The following POLR2K variants were observed in gnomAD, a reference collection of about 807,000 sequenced individuals.
The protein encoded by POLR2K is DNA-directed RNA polymerases I, II, and III subunit RPABC4.
POLR2K carries 9 observed loss-of-function variants against 10.1 expected under a neutral mutation model. That is an observed-to-expected ratio of 0.89 (90% CI 0.54 to 1.56). POLR2K has a LOEUF of 1.56. Among genes scored for constraint, POLR2K ranks in the 40% most tolerant of loss-of-function variants. The pLI is 0.00. For synonymous variants in POLR2K, 19 were observed against 20.3 expected, an observed-to-expected ratio of 0.94 and a Z score of 0.17; for missense variants, 53 against 71.9, an observed-to-expected ratio of 0.74 and a Z score of 0.95.
In POLR2K at chr8:100,153,628, C is replaced by G. The variant is rs933125289; in HGVS notation, c.*312C>G. On this transcript the variant is annotated 3_prime_UTR_variant, in exon 4 of 4. Transcript: ENST00000353107. ...ATGTGAATGTGGTTGGTCTCTCTTG[C>G]TTTCAAAATATCTTCTTGTACAGTA... 8.2e-6 allele frequency: 2 copies of G among 245,166 alleles called. No individual in the cohort carries two copies. Among genetic ancestry groups the G allele is most frequent in the African/African-American group, 2.3e-5 (1 of 44,230 alleles). The allele number at this position is 245,166 out of a possible 1,614,324, so 15.2% of individuals were successfully genotyped here.
At chr8:100,153,267 T>C (rs759236496) in intron 3 of POLR2K, 27 bp from the exon 4 acceptor site, 1 of 1,583,058 alleles carries the variant, frequency 6.3e-7, no homozygotes, top group African/African-American at 1.3e-5. Context: ...TAAGTACCGT[T>C]TTTGTCCTTA....
At chr8:100,152,796 C>T (rs974739435) in intron 3 of POLR2K, among the ~76,000 whole-genome samples, 1 of 151,646 alleles carries the variant, frequency 6.6e-6, no homozygotes, top group Non-Finnish European at 1.5e-5. Context: ...GACGGAGTCT[C>T]GCTCTGTCAC....
Position 100,153,829 on chromosome 8 carries a change from C to G in POLR2K, c.*513C>G, listed in dbSNP as rs1191411822. The G allele has an allele frequency of 6.6e-6, 1 of 152,060 alleles. No individual in the cohort carries two copies. The highest frequency in any genetic ancestry group is 1.5e-5 in the Non-Finnish European group (1 of 68,010). The allele number at this position is 152,060 out of a possible 1,614,324, so 9.4% of individuals were successfully genotyped here. ...ATTTTGTATAAAGCAATTTTTTGTT[C>G]CATTACGTGACTTTTTGTTTTATTG... On this transcript the variant is annotated 3_prime_UTR_variant, in exon 4 of 4. Coordinates refer to ENST00000353107, the MANE Select transcript of POLR2K (RefSeq NM_005034.4).
rs1814952320 is a variant in POLR2K at position 100,153,909 on chromosome 8, T to C, written c.*593T>C. 1.3e-5 allele frequency: 2 copies of C among 152,236 alleles called. No individual in the cohort carries two copies. Among genetic ancestry groups the C allele is most frequent in the African/African-American group, 4.8e-5 (2 of 41,464 alleles). 9.4% of individuals were successfully genotyped at this position (152,236 alleles called of 1,614,324 possible). On this transcript the variant is annotated 3_prime_UTR_variant, in exon 4 of 4. Transcript: ENST00000353107. ...AAAGTTGCTTCCCCAAACCACACTTTTAATCAAAACCTAGAATCATCTGCA... is the reference window on the plus strand; with the variant it reads ...AAAGTTGCTTCCCCAAACCACACTTCTAATCAAAACCTAGAATCATCTGCA...
At chr8:100,151,239 G>T in intron 1 of POLR2K, 108 bp from the exon 2 acceptor site, 1 of 790,692 alleles carries the variant, frequency 1.3e-6, no homozygotes, top group South Asian at 1.4e-5. Flanking sequence ...TTGGGGAAAG[G>T]AACAGATTAG....
Position 100,153,435 on chromosome 8 carries a change from C to A in POLR2K, c.*119C>A, listed in dbSNP as rs996197944. The A allele has an allele frequency of 2.4e-6, 2 of 820,268 alleles. No individual in the cohort carries two copies. Among genetic ancestry groups the A allele is most frequent in the African/African-American group, 1.7e-5 (1 of 58,178 alleles). 50.8% of individuals were successfully genotyped at this position (820,268 alleles called of 1,614,324 possible). A position where few individuals can be genotyped will look rare whatever the true frequency, so the allele number is the denominator to read the frequency against. The stretch of plus-strand genomic sequence containing the variant: ...AGTTCCCCCTTATCTTCGGGAGATA[C>A]ATTCCAAGGCCCCCAGTGAACTCCT... On this transcript the variant is annotated 3_prime_UTR_variant, in exon 4 of 4. Transcript: ENST00000353107.
chr8:100,152,420 G>A (rs1033434626), intron 3 of POLR2K, among the ~76,000 whole-genome samples: 2 of 152,172 alleles, frequency 1.3e-5, no homozygotes, highest in East Asian at 1.9e-4. Context: ...TGACCAAAAC[G>A]TCATTATGGG....
rs140144605 is a variant in POLR2K, at chr8:100,151,774, T to G, written c.62-50T>G. On this transcript the variant is annotated intron_variant, in intron 2 of 3. Coordinates refer to ENST00000353107, the MANE Select transcript of POLR2K (RefSeq NM_005034.4). Reference sequence around the variant, plus strand: ...AATAATACATTTAAGATAATTTGTCTGTAATATTTTCCTCTTAGGCATTGA... The same window carrying G: ...AATAATACATTTAAGATAATTTGTCGGTAATATTTTCCTCTTAGGCATTGA... 1.8e-3 allele frequency: 1,501 copies of G among 819,164 alleles called. 16 individuals are homozygous for G. The African/African-American group carries it at 0.023, about 13-fold the overall frequency. 50.7% of individuals were successfully genotyped at this position (819,164 alleles called of 1,614,324 possible). A position where few individuals can be genotyped will look rare whatever the true frequency, so the allele number is the denominator to read the frequency against.
rs538835879 is a variant in POLR2K, at chr8:100,152,156, G to C, written c.154+240G>C. The C allele has an allele frequency of 2.3e-5, 13 of 571,770 alleles. No homozygotes were observed. The South Asian group carries it at 2.9e-4, about 13-fold the overall frequency. 35.4% of individuals were successfully genotyped at this position (571,770 alleles called of 1,614,324 possible). ...TTCTGTGCAGTCAAGCTTGAGGATA[G>C]GGATACATTCTGAGAATTGTGTCCT... On this transcript the variant is annotated intron_variant, in intron 3 of 3. Coordinates refer to ENST00000353107, the MANE Select transcript of POLR2K (RefSeq NM_005034.4).
intron 3 of POLR2K, among the ~76,000 whole-genome samples, chr8:100,152,684 G>A (rs1461549327): frequency 6.6e-6 from 1 of 152,152 alleles, no homozygotes; most frequent in Non-Finnish European, 1.5e-5. Flanking sequence ...AAAATACAGA[G>A]TAAATTGTTA....
At position 100,153,506 on chromosome 8, in the gene POLR2K, T is replaced by C. The variant is rs1814947286; in HGVS notation, c.*190T>C. The C allele has an allele frequency of 2.1e-6, 1 of 482,924 alleles. No individual in the cohort carries two copies. Among genetic ancestry groups the C allele is most frequent in the Non-Finnish European group, 3.6e-6 (1 of 274,304 alleles). The allele number at this position is 482,924 out of a possible 1,614,324, so 29.9% of individuals were successfully genotyped here. ...ACCTTTATACACTGTTTTTTCCATA[T>C]ATATATACCTATGATAAAGTATAAT... On this transcript the variant is annotated 3_prime_UTR_variant, in exon 4 of 4. Transcript: ENST00000353107.
chr8:100,151,754 T>C, intron 2 of POLR2K, 70 bp from the exon 3 acceptor site: 2 of 735,560 alleles, frequency 2.7e-6, no homozygotes, highest in Non-Finnish European at 4.7e-6. Context: ...AGGTAAATAA[T>C]ACATTTAAGA....
intron 3 of POLR2K, chr8:100,152,193 A>G (rs1264906210): frequency 1.8e-6 from 1 of 550,240 alleles, no homozygotes; most frequent in Admixed American, 3.7e-5. Context: ...AAGCAATTTC[A>G]TCATTCCTAC....
At position 100,151,379 on chromosome 8, in the gene POLR2K, A is replaced by G. The variant is rs1284284109; in HGVS notation, c.24A>G (p.Gln8=). The change falls in exon 2 of 4, where the codon CAA becomes CAG. Residue 8 remains glutamine (Q), a synonymous_variant. Coordinates refer to ENST00000353107, the MANE Select transcript of POLR2K (RefSeq NM_005034.4). ...CAATGGACACCCAGAAGGACGTTCA[A>G]CCTCCAAAGCAGCAACCAATGATAT... MDTQKDV[Q]PPKQQPMIYI... 1 of 1,610,662 alleles carries G rather than the reference A, an allele frequency of 6.2e-7. No individual in the cohort carries two copies. Among genetic ancestry groups the G allele is most frequent in the East Asian group, 2.2e-5 (1 of 44,862 alleles).
At position 100,153,501 on chromosome 8, in the gene POLR2K, C is replaced by T; in HGVS notation, c.*185C>T. 2.0e-6 allele frequency: 1 copy of T among 498,342 alleles called. No individual in the cohort carries two copies. Among genetic ancestry groups the T allele is most frequent in the Non-Finnish European group, 3.5e-6 (1 of 282,408 alleles). The allele number at this position is 498,342 out of a possible 1,614,324, so 30.9% of individuals were successfully genotyped here. A position where few individuals can be genotyped will look rare whatever the true frequency, so the allele number is the denominator to read the frequency against. On this transcript the variant is annotated 3_prime_UTR_variant, in exon 4 of 4. Coordinates refer to ENST00000353107, the MANE Select transcript of POLR2K (RefSeq NM_005034.4). The stretch of plus-strand genomic sequence containing the variant: ...ACCAAACCTTTATACACTGTTTTTT[C>T]CATATATATATACCTATGATAAAGT...
chr8:100,152,271 A>G, intron 3 of POLR2K: 5 of 380,346 alleles, frequency 1.3e-5, no homozygotes, highest in Non-Finnish European at 1.9e-5. Context: ...TATTGCTGCT[A>G]GGCTACACAC....
chr8:100,151,820 C>A lies in POLR2K; in HGVS notation c.62-4C>A, dbSNP rs1316972225. On this transcript the variant is annotated splice_region_variant and splice_polypyrimidine_tract_variant and intron_variant, in intron 2 of 3. Transcript: ENST00000353107. ...ATTGAGTAAATTTTTTTTTTTAATTCTAGAGTGTCACACAGAAAATGAAAT... is the reference window on the plus strand; with the variant it reads ...ATTGAGTAAATTTTTTTTTTTAATTATAGAGTGTCACACAGAAAATGAAAT... 2 of 1,413,660 alleles carry A rather than the reference C, an allele frequency of 1.4e-6. No homozygotes were observed. Among genetic ancestry groups the A allele is most frequent in the African/African-American group, 1.5e-5 (1 of 68,346 alleles). 87.6% of individuals were successfully genotyped at this position (1,413,660 alleles called of 1,614,324 possible). A position where few individuals can be genotyped will look rare whatever the true frequency, so the allele number is the denominator to read the frequency against.
At chr8:100,151,095 G>C (rs1239515633) in intron 1 of POLR2K, among the ~76,000 whole-genome samples, 1 of 152,198 alleles carries the variant, frequency 6.6e-6, no homozygotes, top group African/African-American at 2.4e-5. Context: ...TGTAAAACAA[G>C]AGTGATGTCT....
intron 3 of POLR2K, among the ~76,000 whole-genome samples, chr8:100,152,800 C>G (rs1402165830): frequency 6.6e-6 from 1 of 151,866 alleles, no homozygotes; most frequent in Non-Finnish European, 1.5e-5. Flanking sequence ...GAGTCTCGCT[C>G]TGTCACCCAG....
Sources: allele counts gnomAD v4.1 joint callset (sites outside exome capture counted in the v4.1 genomes callset), GRCh38; gene constraint gnomAD v4.1.1; transcripts MANE v1.5; gene names NCBI Gene and HGNC (gene_info 2026-07-23, HGNC 2026-07-21).